Variants in CDC73 observed in about 807,000 individuals in gnomAD.
CDC73 encodes parafibromin.
CDC73 carries 21 observed loss-of-function variants against 83.7 expected under a neutral mutation model. The observed-to-expected ratio is 0.25, with a 90% confidence interval of 0.18 to 0.36. The LOEUF is 0.36. Among genes scored for constraint, CDC73 ranks in the 10% least tolerant of loss-of-function variants. The pLI is 1.00. For synonymous variants in CDC73, 224 were observed against 212.9 expected (o/e 1.05, Z -0.45); for missense variants, 342 against 653.3 (o/e 0.52, Z 5.19).
At position 193,251,877 on chromosome 1, in the gene CDC73, C is replaced by G. The variant is rs1572227716; in HGVS notation, c.*1165C>G. 3.0e-5 allele frequency: 7 copies of G among 230,348 alleles called. No individual in the cohort carries two copies. The East Asian group carries it at 3.7e-4, about 12-fold the overall frequency. 14.3% of individuals were successfully genotyped at this position (230,348 alleles called of 1,614,324 possible). ...TTTTTCCTTAAAGGCAACTAGGAAG[C>G]TTTACTTTCCTAAAGTGTTTTTGCC... On this transcript the variant is annotated 3_prime_UTR_variant, in exon 17 of 17. Coordinates refer to ENST00000367435, the MANE Select transcript of CDC73 (RefSeq NM_024529.5).
At chr1:193,123,849 C>G (rs1675514099) in intron 1 of CDC73, among the ~76,000 whole-genome samples, 1 of 152,146 alleles carries the variant, frequency 6.6e-6, no homozygotes, top group African/African-American at 2.4e-5. Flanking sequence ...ATGTGAAATG[C>G]TTTCTACAAT....
At chr1:193,204,672 A>G (rs1206097853) in intron 11 of CDC73, among the ~76,000 whole-genome samples, 1 of 152,196 alleles carries the variant, frequency 6.6e-6, no homozygotes, top group South Asian at 2.1e-4. Flanking sequence ...GTTTTTCAAT[A>G]ATGGATTTAT....
intron 13 of CDC73, among the ~76,000 whole-genome samples, chr1:193,213,855 G>A (rs1677317546): frequency 6.6e-6 from 1 of 152,106 alleles, no homozygotes; most frequent in African/African-American, 2.4e-5. Flanking sequence ...GTTGATTTTT[G>A]TGTTAAATTC....
In CDC73 at chr1:193,252,507, A is replaced by T. The variant is rs1349998927; in HGVS notation, c.*1795A>T. 8.7e-6 allele frequency: 2 copies of T among 229,920 alleles called. No homozygotes were observed. The highest frequency in any genetic ancestry group is 2.2e-5 in the African/African-American group (1 of 45,174). 14.2% of individuals were successfully genotyped at this position (229,920 alleles called of 1,614,324 possible). A position where few individuals can be genotyped will look rare whatever the true frequency, so the allele number is the denominator to read the frequency against. ...TTTACTTGAGACAGAATATGGTTAA[A>T]ATTAGGAACATCTACTTTGAATGAG... On this transcript the variant is annotated 3_prime_UTR_variant, in exon 17 of 17. Coordinates refer to ENST00000367435, the MANE Select transcript of CDC73 (RefSeq NM_024529.5).
At chr1:193,139,772 A>T (rs983021152) in intron 6 of CDC73, among the ~76,000 whole-genome samples, 1 of 152,222 alleles carries the variant, frequency 6.6e-6, no homozygotes, top group Non-Finnish European at 1.5e-5. Flanking sequence ...ATTTATCTGA[A>T]CATTGGTCAG....
chr1:193,130,954 A>T (rs1675683092), intron 3 of CDC73, among the ~76,000 whole-genome samples: 1 of 151,966 alleles, frequency 6.6e-6, no homozygotes, highest in East Asian at 1.9e-4. Flanking sequence ...CCTGACCTCT[A>T]ATTCTTGAAG....
At chr1:193,182,325 T>C (rs910248403) in intron 10 of CDC73, among the ~76,000 whole-genome samples, 1 of 152,162 alleles carries the variant, frequency 6.6e-6, no homozygotes, top group African/African-American at 2.4e-5. Flanking sequence ...ATTAACACTT[T>C]CAAAAATTTT....
intron 5 of CDC73, chr1:193,136,627 A>G (rs113130068): frequency 7.1e-5 from 14 of 198,176 alleles, no homozygotes; most frequent in African/African-American, 3.0e-4. Flanking sequence ...ACCAGTTGGA[A>G]CCTTGGCAGT....
intron 10 of CDC73, among the ~76,000 whole-genome samples, chr1:193,198,880 C>A (rs372570346): frequency 6.6e-6 from 1 of 152,166 alleles, no homozygotes. Context: ...ATTTTCTCAT[C>A]GTACAATAGA....
chr1:193,151,258 C>T (rs1356533060), intron 9 of CDC73, among the ~76,000 whole-genome samples: 3 of 151,990 alleles, frequency 2.0e-5, no homozygotes, highest in African/African-American at 7.3e-5. Context: ...TGATATGTTG[C>T]CTTGATGCAA....
chr1:193,233,254 T>C, intron 14 of CDC73, 100 bp downstream of exon 14: 1 of 1,071,660 alleles, frequency 9.3e-7, no homozygotes, highest in Non-Finnish European at 1.4e-6. Context: ...AGAGATGGGG[T>C]CTCACTATGT....
rs1408663000 is a variant in CDC73 at position 193,164,140 on chromosome 1, T to G, written c.972+11696T>G. On this transcript the variant is annotated intron_variant, in intron 10 of 16. Transcript: ENST00000367435. ...GGCAGTATTACATTTACATTTTATA[T>G]TAGAAACCTCTTGTAGATCATCGAA... is the stretch of plus-strand genomic sequence containing the variant. Among the ~76,000 whole-genome samples, 3 of 152,202 alleles carry G rather than the reference T, an allele frequency of 2.0e-5. No homozygotes were observed. The East Asian group carries it at 5.8e-4, about 29-fold the overall frequency.
At position 193,197,762 on chromosome 1, in the gene CDC73, C is replaced by G. The variant is rs151264627; in HGVS notation, c.973-6033C>G. Among the ~76,000 whole-genome samples, 1,443 of 151,914 alleles carry G rather than the reference C, an allele frequency of 9.5e-3. 15 individuals are homozygous for G. Among genetic ancestry groups the G allele is most frequent in the South Asian group, 0.034 (164 of 4,804 alleles). On this transcript the variant is annotated intron_variant, in intron 10 of 16. Coordinates refer to ENST00000367435, the MANE Select transcript of CDC73 (RefSeq NM_024529.5). ...CCAACATGGTGAAACCCCGTCTCTA[C>G]TAAAAATAGAAAAATTAGCCAGGTT...
chr1:193,246,689 T>A (rs571450569), intron 15 of CDC73, among the ~76,000 whole-genome samples: 1 of 152,298 alleles, frequency 6.6e-6, no homozygotes, highest in Admixed American at 6.5e-5. Context: ...GCCACCCATA[T>A]ATATTCTGTT....
intron 15 of CDC73, among the ~76,000 whole-genome samples, chr1:193,239,842 C>A (rs1001650867): frequency 4.6e-5 from 7 of 152,064 alleles, no homozygotes; most frequent in Non-Finnish European, 1.0e-4. Context: ...AGAATTTATT[C>A]CTTTGTGCAG....
chr1:193,214,349 T>C (rs922764038), intron 13 of CDC73, among the ~76,000 whole-genome samples: 12 of 152,232 alleles, frequency 7.9e-5, no homozygotes, highest in Admixed American at 6.5e-5. Context: ...TAGGAACTTA[T>C]TAGTCTGCCA....
chr1:193,134,933 TTAAG>T (rs1163779560), intron 3 of CDC73, among the ~76,000 whole-genome samples: 1 of 152,152 alleles, frequency 6.6e-6, no homozygotes, highest in African/African-American at 2.4e-5. Context: ...CATTCAAAAA[TTAAG>T]TAATTTAATT....
chr1:193,133,675 A>G (rs1386508411), intron 3 of CDC73, among the ~76,000 whole-genome samples: 3 of 152,206 alleles, frequency 2.0e-5, no homozygotes, highest in Non-Finnish European at 4.4e-5. Flanking sequence ...AAAGTTCTGT[A>G]TTATAAAAAA....
In CDC73 at chr1:193,122,181, C is replaced by G. The variant is rs1393042566; in HGVS notation, c.-20C>G. Reference sequence around the variant, plus strand: ...CGGCAGCGGCGGCGCCCCGAGCCGGCGGAGGCGAGGGGGGGGAAGATGGCG... The same window carrying G: ...CGGCAGCGGCGGCGCCCCGAGCCGGGGGAGGCGAGGGGGGGGAAGATGGCG... On this transcript the variant is annotated 5_prime_UTR_variant, in exon 1 of 17. Transcript: ENST00000367435. 6.2e-7 allele frequency: 1 copy of G among 1,611,408 alleles called. No individual in the cohort carries two copies.
Sources: allele counts gnomAD v4.1 joint callset (sites outside exome capture counted in the v4.1 genomes callset), GRCh38; gene constraint gnomAD v4.1.1; transcripts MANE v1.5; gene names NCBI Gene and HGNC (gene_info 2026-07-23, HGNC 2026-07-21).